Variants in RHEB observed in about 807,000 individuals in gnomAD.
The protein encoded by RHEB is GTP-binding protein Rheb.
A neutral mutation model predicts 28.8 loss-of-function variants in RHEB; 2 were observed. The observed-to-expected ratio is 0.07, with a 90% confidence interval of 0.03 to 0.22. RHEB has a LOEUF of 0.22. Among genes scored for constraint, RHEB ranks in the 10% least tolerant of loss-of-function variants. The pLI is 1.00. For missense variants in RHEB, 76 were observed against 219.9 expected (o/e 0.35, Z 4.14); for synonymous variants, 69 against 77.3 (o/e 0.89, Z 0.56).
At chr7:151,470,390 T>C in intron 7 of RHEB, 181 bp downstream of exon 7, 1 of 466,544 alleles carries the variant, frequency 2.1e-6, no homozygotes, top group Non-Finnish European at 3.9e-6. Context: ...GAATACTGAC[T>C]GAATTTATAA....
intron 1 of RHEB, among the ~76,000 whole-genome samples, chr7:151,492,838 A>ATTTTTTT (rs538597333): frequency 8.0e-6 from 1 of 125,184 alleles, no homozygotes; most frequent in Non-Finnish European, 1.6e-5. Context: ...AATTCTCAAC[A>ATTTTTTT]TTTTTTTTTT....
chr7:151,470,236 A>G (rs1802136124), intron 7 of RHEB: 1 of 164,442 alleles, frequency 6.1e-6, no homozygotes, highest in South Asian at 1.9e-4. Context: ...CTAAAGTGAT[A>G]TAATTCTTTT....
intron 2 of RHEB, among the ~76,000 whole-genome samples, chr7:151,486,331 A>G (rs1411251248): frequency 2.0e-5 from 3 of 151,880 alleles, no homozygotes; most frequent in African/African-American, 7.3e-5. Flanking sequence ...CATTCATTCA[A>G]GAACAATTTC....
In RHEB at chr7:151,466,422, C is replaced by T. The variant is rs1802061985; in HGVS notation, c.*697G>A. The T allele has an allele frequency of 6.6e-6, 1 of 152,380 alleles. No homozygotes were observed. Among genetic ancestry groups the T allele is most frequent in the South Asian group, 2.1e-4 (1 of 4,822 alleles). The allele number at this position is 152,380 out of a possible 1,614,324, so 9.4% of individuals were successfully genotyped here. A position where few individuals can be genotyped will look rare whatever the true frequency, so the allele number is the denominator to read the frequency against. On this transcript the variant is annotated 3_prime_UTR_variant, in exon 8 of 8. Transcript: ENST00000262187. ...GCTCCCGACCACGGAGCATTTCAGT[C>T]AAGGTCTAGGGATTTGAGGGTGGAA...
intron 1 of RHEB, chr7:151,501,853 C>A: frequency 1.7e-6 from 1 of 584,700 alleles, no homozygotes. Flanking sequence ...CAGAACTGGG[C>A]CCTTAGGGAA....
intron 3 of RHEB, among the ~76,000 whole-genome samples, chr7:151,479,745 C>T (rs1189619823): frequency 6.6e-6 from 1 of 151,222 alleles, no homozygotes; most frequent in African/African-American, 2.4e-5. Context: ...TTCATGGCTG[C>T]AAACCCCTCA....
rs1802059461 is a variant in RHEB, at chr7:151,466,311, A to T, written c.*808T>A. 1 of 152,250 alleles carries T rather than the reference A, an allele frequency of 6.6e-6. No individual in the cohort carries two copies. The highest frequency in any genetic ancestry group is 1.5e-5 in the Non-Finnish European group (1 of 68,052). The allele number at this position is 152,250 out of a possible 1,614,324, so 9.4% of individuals were successfully genotyped here. A position where few individuals can be genotyped will look rare whatever the true frequency, so the allele number is the denominator to read the frequency against. On this transcript the variant is annotated 3_prime_UTR_variant, in exon 8 of 8. Transcript: ENST00000262187. ...GACAGTGACAGGCAAGGCTGTTCTC[A>T]ATCATCTCCTGTCTGACACGGACAT...
At chr7:151,486,492 G>C (rs1802476297) in intron 2 of RHEB, among the ~76,000 whole-genome samples, 2 of 152,170 alleles carry the variant, frequency 1.3e-5, no homozygotes, top group South Asian at 4.1e-4. Context: ...CCTGGGAGTG[G>C]AACACCCAGG....
rs757657926 is a variant in RHEB, at chr7:151,505,053, AC to A, written c.53-14040del. On this transcript the variant is annotated intron_variant, in intron 1 of 7. Transcript: ENST00000262187. ...AAACTTCTAGAATATGAAAAAAAAA[AC>A]CCAAAAAACAAAACTTTCTCAAGTC... is the stretch of plus-strand genomic sequence containing the variant. 9.2e-4 allele frequency among the ~76,000 whole-genome samples: 139 copies of A among 151,074 alleles called. 1 individual carries two copies. The highest frequency in any genetic ancestry group is 2.9e-3 in the African/African-American group (119 of 41,218).
chr7:151,517,076 A>C (rs941764146), intron 1 of RHEB, among the ~76,000 whole-genome samples: 2 of 152,174 alleles, frequency 1.3e-5, no homozygotes, highest in African/African-American at 4.8e-5. Context: ...CTTTAAAATC[A>C]AATGCGGCTG....
intron 1 of RHEB, among the ~76,000 whole-genome samples, chr7:151,501,160 T>G (rs955886414): frequency 2.6e-5 from 4 of 152,094 alleles, no homozygotes; most frequent in African/African-American, 9.7e-5. Context: ...AAAACTGTAC[T>G]AAGAGCCTTG....
rs542835320 is a variant in RHEB, at chr7:151,500,664, G to T, written c.53-9650C>A. ...TTTGAGACAAGCCTGGGGAACACAG[G>T]AAGACCAGTCTCTACAAAAAATTTT... On this transcript the variant is annotated intron_variant, in intron 1 of 7. Transcript: ENST00000262187. Among the ~76,000 whole-genome samples, 6 of 152,230 alleles carry T rather than the reference G, an allele frequency of 3.9e-5. No individual in the cohort carries two copies. In the South Asian group the frequency reaches 1.2e-3, roughly 32 times the overall value.
At chr7:151,476,117 A>G (rs1802267487) in intron 4 of RHEB, among the ~76,000 whole-genome samples, 2 of 152,216 alleles carry the variant, frequency 1.3e-5, no homozygotes, top group South Asian at 2.1e-4. Context: ...GGGTCTGTTT[A>G]TAAGAATGGC....
intron 1 of RHEB, among the ~76,000 whole-genome samples, chr7:151,509,448 A>G (rs1802945633): frequency 6.6e-6 from 1 of 152,228 alleles, no homozygotes; most frequent in Non-Finnish European, 1.5e-5. Flanking sequence ...ATTTTAGCCA[A>G]TGGCAACATG....
intron 3 of RHEB, among the ~76,000 whole-genome samples, chr7:151,479,268 G>A (rs1045152677): frequency 6.6e-6 from 1 of 152,064 alleles, no homozygotes; most frequent in African/African-American, 2.4e-5. Context: ...GAGGATGAAT[G>A]GCTAAGCTGG....
intron 1 of RHEB, among the ~76,000 whole-genome samples, chr7:151,515,145 T>C (rs1275422965): frequency 6.6e-6 from 1 of 150,742 alleles, no homozygotes; most frequent in Non-Finnish European, 1.5e-5. Context: ...TATACTCACA[T>C]GACAGAATAT....
chr7:151,483,871 TTTTC>T (rs1173119167), intron 3 of RHEB, among the ~76,000 whole-genome samples: 1 of 152,170 alleles, frequency 6.6e-6, no homozygotes, highest in Non-Finnish European at 1.5e-5. Context: ...TCAAAAGGGC[TTTTC>T]TTTGTTTCAT....
chr7:151,511,529 C>T (rs1016685099), intron 1 of RHEB, among the ~76,000 whole-genome samples: 1 of 151,894 alleles, frequency 6.6e-6, no homozygotes, highest in African/African-American at 2.4e-5. Flanking sequence ...CTGTTCTAAA[C>T]TAATACCAGT....
chr7:151,467,782 C>A (rs1802093108), intron 7 of RHEB, among the ~76,000 whole-genome samples: 1 of 152,210 alleles, frequency 6.6e-6, no homozygotes, highest in Non-Finnish European at 1.5e-5. Context: ...CGTCTTCCTG[C>A]CCTCAGCCTC....
Sources: gnomAD v4.1 joint callset for allele counts (sites outside exome capture counted in the v4.1 genomes callset) on GRCh38, gnomAD v4.1.1 for gene constraint, MANE v1.5 for transcripts, NCBI Gene and HGNC (gene_info 2026-07-23, HGNC 2026-07-21) for gene names.